Variants in FBXL17 observed in about 807,000 individuals in gnomAD.
The protein encoded by FBXL17 is F-box/LRR-repeat protein 17.
A neutral mutation model predicts 66.2 loss-of-function variants in FBXL17; 22 were observed. The observed-to-expected ratio is 0.33, with a 90% CI of 0.24 to 0.47. FBXL17 has a LOEUF of 0.47. Ranked by LOEUF, FBXL17 falls within the 20% of genes least tolerant of loss-of-function variation. The pLI is 1.00. For missense variants in FBXL17, 878 were observed against 948.2 expected (o/e 0.93, Z 0.97); for synonymous variants, 474 against 400.5 (o/e 1.18, Z -2.19).
At chr5:108,106,960 TA>T (rs1487429734) in intron 6 of FBXL17, among the ~76,000 whole-genome samples, 2 of 152,228 alleles carry the variant, frequency 1.3e-5, no homozygotes, top group East Asian at 3.8e-4. Flanking sequence ...TCAATAAAGT[TA>T]TTTTTTAAAG....
intron 6 of FBXL17, among the ~76,000 whole-genome samples, chr5:108,036,601 C>T (rs1413478314): frequency 6.6e-6 from 1 of 152,158 alleles, no homozygotes; most frequent in African/African-American, 2.4e-5. Context: ...GACCATTGCT[C>T]CTAACCCCTA....
chr5:108,323,187 A>G (rs575718286), intron 4 of FBXL17, among the ~76,000 whole-genome samples: 194 of 152,032 alleles, frequency 1.3e-3, no homozygotes, highest in African/African-American at 4.2e-3. Flanking sequence ...AGATGACATG[A>G]TATTGTAAAT....
intron 4 of FBXL17, among the ~76,000 whole-genome samples, chr5:108,313,867 G>T (rs973990338): frequency 6.6e-6 from 1 of 151,494 alleles, no homozygotes; most frequent in Non-Finnish European, 1.5e-5. Flanking sequence ...TACTATATAA[G>T]GTTTACATGG....
intron 6 of FBXL17, among the ~76,000 whole-genome samples, chr5:108,039,487 T>C (rs1370115307): frequency 6.6e-6 from 1 of 152,076 alleles, no homozygotes; most frequent in Non-Finnish European, 1.5e-5. Context: ...AATTGATAAG[T>C]GTTTATATAG....
At chr5:108,077,846 G>T (rs1748613289) in intron 6 of FBXL17, among the ~76,000 whole-genome samples, 1 of 151,954 alleles carries the variant, frequency 6.6e-6, no homozygotes, top group Non-Finnish European at 1.5e-5. Flanking sequence ...GAATCACTAA[G>T]AATCACTAAG....
At chr5:108,179,861 T>C (rs1472904298) in intron 6 of FBXL17, among the ~76,000 whole-genome samples, 1 of 152,150 alleles carries the variant, frequency 6.6e-6, no homozygotes, top group Non-Finnish European at 1.5e-5. Context: ...AAAAGAACCA[T>C]ATGATTTAAA....
In FBXL17 at chr5:107,861,723, G is replaced by C; in HGVS notation, c.2103C>G (p.Ser701=). Residue 701 remains serine, a synonymous_variant, in exon 9 of 9, where the codon TCC becomes TCG. Coordinates refer to ENST00000542267, the MANE Select transcript of FBXL17 (RefSeq NM_001163315.3). ...GWTPNMSAAS[S] ...TGGACTAGGCGAGGCAGGAGCGCTA[G>C]GAGGAGGCGGCAGACATGTTGGGGG... 6.4e-7 allele frequency: 1 copy of C among 1,574,700 alleles called. No individual in the cohort carries two copies. Among genetic ancestry groups the C allele is most frequent in the Non-Finnish European group, 8.6e-7 (1 of 1,157,610 alleles).
chr5:108,202,990 A>G (rs115202088), intron 5 of FBXL17, among the ~76,000 whole-genome samples: 1 of 152,116 alleles, frequency 6.6e-6, no homozygotes, highest in Non-Finnish European at 1.5e-5. Context: ...TTATACAACA[A>G]AGAGTAAACA....
intron 6 of FBXL17, among the ~76,000 whole-genome samples, chr5:108,056,373 T>C (rs1372014605): frequency 6.6e-6 from 1 of 152,232 alleles, no homozygotes; most frequent in Non-Finnish European, 1.5e-5. Flanking sequence ...AGCTTGTGTT[T>C]CTTACAACAG....
chr5:108,302,092 A>ACTTT, intron 4 of FBXL17: 2 of 909,070 alleles, frequency 2.2e-6, no homozygotes, highest in Non-Finnish European at 2.6e-6. Flanking sequence ...TGGACCAATC[A>ACTTT]ATAAAGTAAT....
rs375456772 is a variant in FBXL17, at chr5:108,194,708, G to A, written c.1615-8461C>T. Among the ~76,000 whole-genome samples the A allele has an allele frequency of 9.0e-4, 137 of 152,226 alleles. 2 individuals are homozygous for A. In the South Asian group the frequency reaches 0.027, roughly 30 times the overall value. On this transcript the variant is annotated intron_variant, in intron 5 of 8. Coordinates refer to ENST00000542267, the MANE Select transcript of FBXL17 (RefSeq NM_001163315.3). The stretch of plus-strand genomic sequence containing the variant: ...TGAGGTAGCAGTTGTGGTGACTCTT[G>A]ATTCATTCATTCACATTCATTTAAA...
rs763555918 is a variant in FBXL17 at position 108,224,172 on chromosome 5, T to G, written c.1563A>C (p.Val521=). Residue 521 remains valine (V), a synonymous_variant, in exon 5 of 9, where the codon GTA becomes GTC. Coordinates refer to ENST00000542267, the MANE Select transcript of FBXL17 (RefSeq NM_001163315.3). ...AAGTGACTGAACAACCCATGAAGCC[T>G]ACATATTGAAGCTCAGGACAGTGTT... ...FAEHCPELQY[V]GFMGCSVTSK... 1.2e-6 allele frequency: 2 copies of G among 1,611,930 alleles called. No individual in the cohort carries two copies. Among genetic ancestry groups the G allele is most frequent in the Non-Finnish European group, 8.5e-7 (1 of 1,178,718 alleles).
chr5:107,914,636 C>G (rs927075386), intron 7 of FBXL17, among the ~76,000 whole-genome samples: 5 of 152,190 alleles, frequency 3.3e-5, no homozygotes, highest in African/African-American at 1.2e-4. Context: ...CATAAGTCAA[C>G]CCCACCCAAG....
chr5:108,368,611 A>C (rs1748827861), intron 1 of FBXL17, among the ~76,000 whole-genome samples: 1 of 152,160 alleles, frequency 6.6e-6, no homozygotes, highest in Non-Finnish European at 1.5e-5. Context: ...GGAGACTAAG[A>C]AAGAATGACA....
At chr5:108,378,605 C>T (rs1319799198) in intron 1 of FBXL17, among the ~76,000 whole-genome samples, 2 of 147,678 alleles carry the variant, frequency 1.4e-5, no homozygotes, top group African/African-American at 2.7e-5. Context: ...AGAATCCTTT[C>T]ACCACCACAT....
At chr5:108,025,690 CACACACACACACAA>C (rs1034958866) in intron 6 of FBXL17, among the ~76,000 whole-genome samples, 7 of 139,164 alleles carry the variant, frequency 5.0e-5, no homozygotes, top group South Asian at 2.2e-4. Context: ...TACACACACA[CACACACACACACAA>C]ACACACACAC....
At chr5:108,053,566 C>T (rs1325960386) in intron 6 of FBXL17, among the ~76,000 whole-genome samples, 1 of 151,742 alleles carries the variant, frequency 6.6e-6, no homozygotes, top group Non-Finnish European at 1.5e-5. Context: ...CAATGAGATA[C>T]CATCTCATGC....
At chr5:108,251,518 G>A (rs1756350142) in intron 4 of FBXL17, among the ~76,000 whole-genome samples, 2 of 151,990 alleles carry the variant, frequency 1.3e-5, no homozygotes, top group African/African-American at 4.8e-5. Context: ...TCTTCCTACA[G>A]CCAGACTTCA....
At chr5:107,971,117 A>T (rs1439576404) in intron 7 of FBXL17, among the ~76,000 whole-genome samples, 1 of 152,210 alleles carries the variant, frequency 6.6e-6, no homozygotes, top group Non-Finnish European at 1.5e-5. Context: ...TTTGAGCATA[A>T]TGCAAATTAC....
Sources: gnomAD v4.1 joint callset for allele counts (sites outside exome capture counted in the v4.1 genomes callset) on GRCh38, gnomAD v4.1.1 for gene constraint, MANE v1.5 for transcripts, NCBI Gene and HGNC (gene_info 2026-07-23, HGNC 2026-07-21) for gene names.